The following CTNNA2 variants were observed in gnomAD, a reference collection of about 807,000 sequenced individuals.
CTNNA2 encodes the protein catenin alpha-2.
In CTNNA2, 42 loss-of-function variants were observed where a neutral mutation model predicts 101.0. That is an observed-to-expected ratio of 0.42 (90% CI 0.32 to 0.54). The LOEUF (loss-of-function observed/expected upper bound fraction) is 0.54, where lower values mean the gene tolerates loss of function less well. CTNNA2 is among the 20% of genes least tolerant of loss of function. The pLI is 0.14. For missense variants in CTNNA2, 871 were observed against 1,223.1 expected (o/e 0.71, Z 4.29); for synonymous variants, 450 against 456.4 (o/e 0.99, Z 0.18).
intron 7 of CTNNA2, among the ~76,000 whole-genome samples, chr2:79,982,494 C>T (rs917373209): frequency 6.7e-6 from 1 of 150,150 alleles, no homozygotes; most frequent in Non-Finnish European, 1.5e-5. Flanking sequence ...CACACACACA[C>T]ACACACATGC....
chr2:79,496,318 G>A (rs1393651702), intron 4 of CTNNA2, among the ~76,000 whole-genome samples: 1 of 152,052 alleles, frequency 6.6e-6, no homozygotes. Context: ...CAGTGTAAAA[G>A]AGTCTGAAAG....
At chr2:80,009,602 A>T (rs184563299) in intron 7 of CTNNA2, among the ~76,000 whole-genome samples, 14 of 152,276 alleles carry the variant, frequency 9.2e-5, no homozygotes, top group African/African-American at 3.4e-4. Flanking sequence ...ATATATATTT[A>T]AAAGTTTTTA....
intron 7 of CTNNA2, among the ~76,000 whole-genome samples, chr2:80,310,533 C>A (rs1046227003): frequency 1.3e-5 from 2 of 152,242 alleles, no homozygotes; most frequent in African/African-American, 4.8e-5. Flanking sequence ...TTCACACATA[C>A]AATTTTGGAA....
At chr2:79,829,812 C>A (rs887894716) in intron 3 of CTNNA2, among the ~76,000 whole-genome samples, 1 of 151,708 alleles carries the variant, frequency 6.6e-6, no homozygotes, top group Admixed American at 6.6e-5. Flanking sequence ...CTCCGCCTCC[C>A]GGGTTCACGC....
chr2:79,188,738 GCA>G (rs1463573225), intron 1 of CTNNA2, among the ~76,000 whole-genome samples: 1 of 152,202 alleles, frequency 6.6e-6, no homozygotes, highest in Non-Finnish European at 1.5e-5. Flanking sequence ...GGAGGAAAAA[GCA>G]CAAATATGAG....
intron 2 of CTNNA2, among the ~76,000 whole-genome samples, chr2:79,730,356 G>A (rs1041128596): frequency 6.6e-6 from 1 of 152,028 alleles, no homozygotes; most frequent in Non-Finnish European, 1.5e-5. Context: ...TTTAATTCTA[G>A]AGTAGAAACT....
chr2:79,611,042 A>G (rs757070731), intron 1 of CTNNA2, among the ~76,000 whole-genome samples: 2 of 152,140 alleles, frequency 1.3e-5, no homozygotes, highest in Non-Finnish European at 2.9e-5. Flanking sequence ...ACAAAAGTTT[A>G]TATGAAAGTT....
intron 3 of CTNNA2, among the ~76,000 whole-genome samples, chr2:79,365,847 G>A (rs78769068): frequency 1.2e-4 from 18 of 152,224 alleles, no homozygotes; most frequent in African/African-American, 2.6e-4. Flanking sequence ...CTCCTGGATC[G>A]TATGAAATGT....
intron 12 of CTNNA2, among the ~76,000 whole-genome samples, chr2:80,570,379 A>G (rs190759390): frequency 6.6e-6 from 1 of 152,288 alleles, no homozygotes; most frequent in East Asian, 1.9e-4. Context: ...ATAGGATAAG[A>G]CCGAATGAGC....
chr2:79,722,552 T>C (rs982677112), intron 2 of CTNNA2, among the ~76,000 whole-genome samples: 2 of 152,214 alleles, frequency 1.3e-5, no homozygotes, highest in Non-Finnish European at 2.9e-5. Context: ...ACCCAACTCC[T>C]GAAGTCTTTC....
At chr2:79,655,693 G>A (rs1213947349) in intron 2 of CTNNA2, among the ~76,000 whole-genome samples, 1 of 152,006 alleles carries the variant, frequency 6.6e-6, no homozygotes, top group Non-Finnish European at 1.5e-5. Flanking sequence ...GACAGGCATG[G>A]TGGTACATGC....
At chr2:80,472,861 C>G (rs376743341) in intron 9 of CTNNA2, among the ~76,000 whole-genome samples, 1 of 152,116 alleles carries the variant, frequency 6.6e-6, no homozygotes, top group Non-Finnish European at 1.5e-5. Flanking sequence ...TTTTAGTGAA[C>G]AGGCCTCCAG....
At chr2:80,189,001 G>A (rs116252321) in intron 7 of CTNNA2, among the ~76,000 whole-genome samples, 3,676 of 138,770 alleles carry the variant, frequency 0.026, 77 homozygotes, top group Middle Eastern at 0.04. Flanking sequence ...TCACCAGACT[G>A]GAGTACAGTG....
chr2:80,268,724 T>A (rs757317995), intron 7 of CTNNA2, among the ~76,000 whole-genome samples: 1 of 152,226 alleles, frequency 6.6e-6, no homozygotes, highest in African/African-American at 2.4e-5. Context: ...TATGGTGCTC[T>A]GAATCATTGG....
intron 1 of CTNNA2, among the ~76,000 whole-genome samples, chr2:79,622,168 T>C (rs956540648): frequency 6.6e-6 from 1 of 152,226 alleles, no homozygotes; most frequent in African/African-American, 2.4e-5. Flanking sequence ...ATCATTCCGA[T>C]CTTCACCAAA....
intron 1 of CTNNA2, among the ~76,000 whole-genome samples, chr2:79,192,262 G>A (rs1673884521): frequency 6.6e-6 from 1 of 152,068 alleles, no homozygotes; most frequent in African/African-American, 2.4e-5. Flanking sequence ...CTTGGTCAGG[G>A]GAATTAAGAT....
At chr2:79,445,821 G>A (rs1022743823) in intron 4 of CTNNA2, among the ~76,000 whole-genome samples, 1 of 152,102 alleles carries the variant, frequency 6.6e-6, no homozygotes, top group Non-Finnish European at 1.5e-5. Flanking sequence ...TATCCTTTGT[G>A]TTTTCATTGC....
intron 7 of CTNNA2, among the ~76,000 whole-genome samples, chr2:80,158,821 G>T (rs1248475945): frequency 6.6e-6 from 1 of 151,822 alleles, no homozygotes; most frequent in Non-Finnish European, 1.5e-5. Flanking sequence ...TAAGGCAGGA[G>T]AATGGCGTGA....
rs909383312 is a variant in CTNNA2, at chr2:80,639,889, T to C, written c.2575-7696T>C. On this transcript the variant is annotated intron_variant, in intron 18 of 18. Coordinates refer to ENST00000402739, the MANE Select transcript of CTNNA2 (RefSeq NM_001282597.3). Reference sequence around the variant, plus strand: ...AGGTCGAGGTGGGCAGATCATGAGGTCAGGAGTTCAAGACCAGCCTGACCA... The same window carrying C: ...AGGTCGAGGTGGGCAGATCATGAGGCCAGGAGTTCAAGACCAGCCTGACCA... Among the ~76,000 whole-genome samples, 11 of 151,760 alleles carry C rather than the reference T, an allele frequency of 7.2e-5. No individual in the cohort carries two copies. In the East Asian group the frequency reaches 2.2e-3, roughly 30 times the overall value.
Sources: gnomAD v4.1 joint callset for allele counts (sites outside exome capture counted in the v4.1 genomes callset) on GRCh38, gnomAD v4.1.1 for gene constraint, MANE v1.5 for transcripts, NCBI Gene and HGNC (gene_info 2026-07-23, HGNC 2026-07-21) for gene names.